Variants in SMOX observed in about 807,000 individuals in gnomAD.
SMOX encodes the protein spermine oxidase.
In SMOX, 22 loss-of-function variants were observed where a neutral mutation model predicts 51.0. The ratio of observed to expected loss-of-function variants is 0.43; its 90% CI spans 0.31 to 0.62. The LOEUF (loss-of-function observed/expected upper bound fraction) is 0.62, where lower values mean the gene tolerates loss of function less well. Ranked by LOEUF, SMOX falls within the 20% of genes least tolerant of loss-of-function variation. The probability of loss-of-function intolerance (pLI) is 0.10; values close to 1 mark genes in which losing one functional copy is unlikely to be tolerated. For synonymous variants in SMOX, 282 were observed against 307.8 expected, an observed-to-expected ratio of 0.92 and a Z score of 0.88; for missense variants, 566 against 777.7, an observed-to-expected ratio of 0.73 and a Z score of 3.24.
At chr20:4,164,744 C>T (rs574703625) in intron 1 of SMOX, among the ~76,000 whole-genome samples, 4 of 152,208 alleles carry the variant, frequency 2.6e-5, no homozygotes, top group Admixed American at 6.5e-5. Flanking sequence ...CTCTGGGTTT[C>T]GGCTGTGTCA....
rs373530616 is a variant in SMOX at position 4,183,479 on chromosome 20, C to G, written c.1370-15C>G. The G allele has an allele frequency of 2.6e-5, 42 of 1,614,142 alleles. No individual in the cohort carries two copies. The highest frequency in any genetic ancestry group is 3.4e-5 in the Non-Finnish European group (40 of 1,180,014). ...CTTATCCTCCCTCCTCTTGGCTTTT[C>G]TGACTCTCCATCAGGGAACCCCAAC... On this transcript the variant is annotated splice_polypyrimidine_tract_variant and intron_variant, in intron 5 of 6. Coordinates refer to ENST00000305958, the MANE Select transcript of SMOX (RefSeq NM_175839.3). This position sits in a 1 kb window ranked among gnomAD's most constrained non-coding sequence, Gnocchi z 4.3.
intron 1 of SMOX, among the ~76,000 whole-genome samples, chr20:4,154,509 G>A (rs753798706): frequency 3.9e-5 from 6 of 152,048 alleles, no homozygotes; most frequent in Non-Finnish European, 7.4e-5. Flanking sequence ...CTGAGTAGCA[G>A]TAGCTGGGAT....
rs543482627 is a variant in SMOX, at chr20:4,153,090, G to C, written c.-27+4113G>C. On this transcript the variant is annotated intron_variant, in intron 1 of 6. Coordinates refer to ENST00000305958, the MANE Select transcript of SMOX (RefSeq NM_175839.3). This position sits in a 1 kb window ranked among gnomAD's most constrained non-coding sequence, Gnocchi z 4.4. ...GGGGAGGTGGGAAAGAAGGTAGAAG[G>C]GGTCCTCGCTTGGAGTGGGTGACCG... Among the ~76,000 whole-genome samples the C allele has an allele frequency of 3.3e-5, 5 of 152,242 alleles. No homozygotes were observed. Among genetic ancestry groups the C allele is most frequent in the South Asian group, 2.1e-4 (1 of 4,826 alleles).
In SMOX at chr20:4,149,764, C is replaced by G. The variant is rs1031450471; in HGVS notation, c.-27+787C>G. Among the ~76,000 whole-genome samples the G allele has an allele frequency of 3.9e-5, 6 of 152,154 alleles. No homozygotes were observed. Among genetic ancestry groups the G allele is most frequent in the Non-Finnish European group, 8.8e-5 (6 of 68,026 alleles). On this transcript the variant is annotated intron_variant, in intron 1 of 6. Transcript: ENST00000305958. The surrounding 1 kb of genome is among the most constrained non-coding windows in gnomAD (Gnocchi z 6.0). ...GATGAGATACGCTCGGTGCCCGGCA[C>G]GTATAGTGAGAGGTGCCCACAGGTT...
chr20:4,151,583 G>A lies in SMOX; in HGVS notation c.-27+2606G>A, dbSNP rs184135290. ...CAACCTAAGCTTTCTCCTGCCCCAC[G>A]GCCTTTGCTTGTGCTATCTTTTCTG... On this transcript the variant is annotated intron_variant, in intron 1 of 6. Coordinates refer to ENST00000305958, the MANE Select transcript of SMOX (RefSeq NM_175839.3). Among the ~76,000 whole-genome samples the A allele has an allele frequency of 9.4e-4, 143 of 152,124 alleles. 1 individual carries two copies. Among genetic ancestry groups the A allele is most frequent in the African/African-American group, 3.2e-3 (133 of 41,496 alleles).
chr20:4,183,356 A>G lies in SMOX; in HGVS notation c.1370-138A>G, dbSNP rs1274947354. On this transcript the variant is annotated intron_variant, in intron 5 of 6. Transcript: ENST00000305958. This position sits in a 1 kb window ranked among gnomAD's most constrained non-coding sequence, Gnocchi z 4.3. ...CCCCAGCCTCCCTCCTTCCTCTTCT[A>G]TCCTCCGTGCCTACCCCTGGCAGTC... 3.1e-6 allele frequency: 4 copies of G among 1,294,928 alleles called. No individual in the cohort carries two copies. The highest frequency in any genetic ancestry group is 1.5e-5 in the African/African-American group (1 of 68,632). The allele number at this position is 1,294,928 out of a possible 1,614,324, so 80.2% of individuals were successfully genotyped here. A position where few individuals can be genotyped will look rare whatever the true frequency, so the allele number is the denominator to read the frequency against.
Position 4,177,965 on chromosome 20 carries a change from A to G in SMOX, c.435+388A>G, listed in dbSNP as rs1033150953. Among the ~76,000 whole-genome samples, 1 of 152,210 alleles carries G rather than the reference A, an allele frequency of 6.6e-6. No individual in the cohort carries two copies. Among genetic ancestry groups the G allele is most frequent in the Non-Finnish European group, 1.5e-5 (1 of 68,048 alleles). ...TTAGACCTTCGCTCTGCAGTGTGGT[A>G]GTCACTAGCCACATTTGGCTCTTGA... On this transcript the variant is annotated intron_variant, in intron 3 of 6. Coordinates refer to ENST00000305958, the MANE Select transcript of SMOX (RefSeq NM_175839.3). This position sits in a 1 kb window ranked among gnomAD's most constrained non-coding sequence, Gnocchi z 4.3.
chr20:4,162,877 A>G (rs1986397955), intron 1 of SMOX, among the ~76,000 whole-genome samples: 1 of 152,188 alleles, frequency 6.6e-6, no homozygotes, highest in Non-Finnish European at 1.5e-5. Flanking sequence ...TTGGACCTGC[A>G]GAGGGTGTTG....
rs918175497 is a variant in SMOX at position 4,167,097 on chromosome 20, C to T, written c.-26-7933C>T. On this transcript the variant is annotated intron_variant, in intron 1 of 6. Coordinates refer to ENST00000305958, the MANE Select transcript of SMOX (RefSeq NM_175839.3). The surrounding 1 kb of genome is among the most constrained non-coding windows in gnomAD (Gnocchi z 4.8). ...CTTGGAGCTGGCTAATGGCCACCACCTCTGATGCCCCTTCCCCTCAACAAT... is the reference window on the plus strand; with the variant it reads ...CTTGGAGCTGGCTAATGGCCACCACTTCTGATGCCCCTTCCCCTCAACAAT... Among the ~76,000 whole-genome samples the T allele has an allele frequency of 1.1e-4, 16 of 152,218 alleles. No homozygotes were observed. The highest frequency in any genetic ancestry group is 6.2e-4 in the South Asian group (3 of 4,832).
rs1352409303 is a variant in SMOX, at chr20:4,182,917, C to T, written c.1369+69C>T. ...TCCTCACCTGCCCTCCTCTGGTGGA[C>T]CCATGGCAGCTCTCTCCTCCCCAGA... On this transcript the variant is annotated intron_variant, in intron 5 of 6. Transcript: ENST00000305958. The surrounding 1 kb of genome is among the most constrained non-coding windows in gnomAD (Gnocchi z 8.4). 1 of 1,517,926 alleles carries T rather than the reference C, an allele frequency of 6.6e-7. No homozygotes were observed. The allele number at this position is 1,517,926 out of a possible 1,614,324, so 94.0% of individuals were successfully genotyped here.
intron 1 of SMOX, among the ~76,000 whole-genome samples, chr20:4,156,831 C>A (rs1986040854): frequency 2.0e-5 from 3 of 152,174 alleles, no homozygotes; most frequent in Admixed American, 2.0e-4. Flanking sequence ...CAACCTCCAC[C>A]TCCTGGGTTC....
At chr20:4,184,989 A>C (rs78590485) in intron 6 of SMOX, among the ~76,000 whole-genome samples, 4,800 of 152,294 alleles carry the variant, frequency 0.032, 223 homozygotes, top group African/African-American at 0.11. Flanking sequence ...ATCTTAGGCT[A>C]GAAGGAAGAG....
chr20:4,152,232 T>A (rs1192840450), intron 1 of SMOX, among the ~76,000 whole-genome samples: 1 of 152,092 alleles, frequency 6.6e-6, no homozygotes, highest in Non-Finnish European at 1.5e-5. Flanking sequence ...CAGAGGGATA[T>A]GTGTGCATGT....
At chr20:4,186,024 A>G (rs1047175704) in intron 6 of SMOX, among the ~76,000 whole-genome samples, 6 of 152,228 alleles carry the variant, frequency 3.9e-5, no homozygotes, top group Non-Finnish European at 7.3e-5. Context: ...CATTCTGGCC[A>G]GGGATGCAGG....
At chr20:4,157,264 T>G (rs1986058945) in intron 1 of SMOX, among the ~76,000 whole-genome samples, 3 of 152,210 alleles carry the variant, frequency 2.0e-5, no homozygotes, top group South Asian at 4.1e-4. Context: ...TAATACCGGT[T>G]GGCTGCTCTT....
intron 3 of SMOX, among the ~76,000 whole-genome samples, chr20:4,178,688 C>CT (rs141586329): frequency 2.7e-4 from 17 of 64,110 alleles, no homozygotes; most frequent in Admixed American, 5.5e-4. Flanking sequence ...TTCTTTCTTT[C>CT]TTTTTTTTTT....
intron 6 of SMOX, among the ~76,000 whole-genome samples, chr20:4,185,644 C>T (rs1038018072): frequency 2.0e-5 from 2 of 102,192 alleles, no homozygotes; most frequent in African/African-American, 1.2e-4. Flanking sequence ...CCCTGGCGCC[C>T]TAAACACACA....
rs1275343313 is a variant in SMOX at position 4,172,596 on chromosome 20, C to G, written c.-26-2434C>G. Among the ~76,000 whole-genome samples the G allele has an allele frequency of 6.6e-6, 1 of 152,018 alleles. No homozygotes were observed. The highest frequency in any genetic ancestry group is 2.1e-4 in the South Asian group (1 of 4,808). ...GAAAGGGCCGGAGCCGCCCTGCTCC[C>G]GGCGTGGCCTCATCCCCAGCGAAAG... On this transcript the variant is annotated intron_variant, in intron 1 of 6. Transcript: ENST00000305958. This position sits in a 1 kb window ranked among gnomAD's most constrained non-coding sequence, Gnocchi z 7.7.
Position 4,181,787 on chromosome 20 carries a change from G to C in SMOX, c.436-16G>C. 6.2e-7 allele frequency: 1 copy of C among 1,612,148 alleles called. No individual in the cohort carries two copies. Among genetic ancestry groups the C allele is most frequent in the Non-Finnish European group, 8.5e-7 (1 of 1,178,968 alleles). On this transcript the variant is annotated splice_polypyrimidine_tract_variant and intron_variant, in intron 3 of 6. Coordinates refer to ENST00000305958, the MANE Select transcript of SMOX (RefSeq NM_175839.3). The surrounding 1 kb of genome is among the most constrained non-coding windows in gnomAD (Gnocchi z 5.6). ...TGTGATGAGGTGTTTTCAGTCTCAT[G>C]GGGTCTCTCTGGCAGGTCTATAACT...
Sources: gnomAD v4.1 joint callset for allele counts (sites outside exome capture counted in the v4.1 genomes callset) on GRCh38, gnomAD v4.1.1 for gene constraint, Gnocchi (gnomAD v3.1) non-coding constraint, MANE v1.5 for transcripts, NCBI Gene and HGNC (gene_info 2026-07-23, HGNC 2026-07-21) for gene names.